Variants in SOX5 observed in about 807,000 individuals in gnomAD.
The protein encoded by SOX5 is SRY-box transcription factor 5.
In SOX5, 9 loss-of-function variants were observed where a neutral mutation model predicts 92.0. The ratio of observed to expected loss-of-function variants is 0.10; its 90% CI spans 0.06 to 0.17. The LOEUF is 0.17. SOX5 is among the 10% of genes least tolerant of loss of function. The pLI is 1.00. For missense variants in SOX5, 642 were observed against 944.5 expected (o/e 0.68, Z 4.20); for synonymous variants, 344 against 336.3 (o/e 1.02, Z -0.25).
intron 6 of SOX5, among the ~76,000 whole-genome samples, chr12:23,695,093 T>G (rs1294414208): frequency 6.8e-6 from 1 of 146,226 alleles, no homozygotes; most frequent in Non-Finnish European, 1.5e-5. Context: ...CTACTCCAGC[T>G]TGGGTGACAA....
intron 3 of SOX5, among the ~76,000 whole-genome samples, chr12:23,827,380 TTC>T (rs1450989644): frequency 6.6e-6 from 1 of 152,198 alleles, no homozygotes; most frequent in Non-Finnish European, 1.5e-5. Flanking sequence ...TGAAAACTTT[TTC>T]TACAGAGACA....
chr12:23,724,506 C>T (rs2093005948), intron 6 of SOX5, among the ~76,000 whole-genome samples: 1 of 152,100 alleles, frequency 6.6e-6, no homozygotes, highest in Non-Finnish European at 1.5e-5. Flanking sequence ...AATAGAATGA[C>T]ATTTCAAAGG....
chr12:23,626,179 T>G (rs1319846953), intron 8 of SOX5, among the ~76,000 whole-genome samples: 2 of 152,234 alleles, frequency 1.3e-5, no homozygotes, highest in Non-Finnish European at 2.9e-5. Flanking sequence ...TGGAAATTCC[T>G]ATTTTTAAAT....
chr12:23,923,879 C>T (rs1939179433), intron 1 of SOX5, among the ~76,000 whole-genome samples: 1 of 152,134 alleles, frequency 6.6e-6, no homozygotes, highest in South Asian at 2.1e-4. Context: ...TGAAAGCCAC[C>T]ACCATTATAT....
chr12:23,779,341 TC>T (rs1193340153), intron 3 of SOX5, among the ~76,000 whole-genome samples: 1 of 150,366 alleles, frequency 6.7e-6, no homozygotes, highest in Non-Finnish European at 1.5e-5. Context: ...TGATTTTACT[TC>T]CACTGAATAG....
At chr12:24,298,170 G>A (rs965808156) in intron 2 of SOX5, among the ~76,000 whole-genome samples, 3 of 152,016 alleles carry the variant, frequency 2.0e-5, no homozygotes, top group Admixed American at 6.6e-5. Context: ...GGTTTCAAGC[G>A]ATCCTCCCAC....
At chr12:24,537,967 T>C (rs189696279) in intron 1 of SOX5, among the ~76,000 whole-genome samples, 2 of 152,360 alleles carry the variant, frequency 1.3e-5, no homozygotes, top group Non-Finnish European at 2.9e-5. Flanking sequence ...TGTTTCCTTT[T>C]ATTTATTCTG....
In SOX5 at chr12:23,964,499, A is replaced by C. The variant is rs12424756; in HGVS notation, c.-1-68475T>G. 2.0e-5 allele frequency among the ~76,000 whole-genome samples: 3 copies of C among 152,242 alleles called. No individual in the cohort carries two copies. In the South Asian group the frequency reaches 6.2e-4, roughly 32 times the overall value. On this transcript the variant is annotated intron_variant, in intron 4 of 4. Transcript: ENST00000446891. ...GTGGCATCAATATAGGATACCCACA[A>C]GTATACAGCATACCCACATCTCCTT...
intron 4 of SOX5, among the ~76,000 whole-genome samples, chr12:24,194,281 G>A (rs960846283): frequency 6.6e-6 from 1 of 151,954 alleles, no homozygotes; most frequent in East Asian, 1.9e-4. Flanking sequence ...GATGGAAGGT[G>A]GATAAAACAG....
intron 2 of SOX5, among the ~76,000 whole-genome samples, chr12:24,318,408 T>C (rs1949907903): frequency 6.6e-6 from 1 of 152,058 alleles, no homozygotes; most frequent in African/African-American, 2.4e-5. Context: ...GAGGATTTGC[T>C]CATGAGGTAG....
intron 4 of SOX5, among the ~76,000 whole-genome samples, chr12:24,152,847 G>GA (rs56797704): frequency 0.048 from 7,204 of 150,432 alleles, 172 homozygotes; most frequent in South Asian, 0.081. Context: ...ACTGGCACAG[G>GA]AAAAAAAAAA....
chr12:23,925,224 C>T (rs1475905328), intron 1 of SOX5, among the ~76,000 whole-genome samples: 1 of 152,076 alleles, frequency 6.6e-6, no homozygotes, highest in African/African-American at 2.4e-5. Flanking sequence ...TGGAATTTCT[C>T]TCACAAATCA....
At chr12:23,904,692 A>G (rs768852813) in intron 1 of SOX5, among the ~76,000 whole-genome samples, 16 of 152,228 alleles carry the variant, frequency 1.1e-4, no homozygotes, top group Non-Finnish European at 2.2e-4. Flanking sequence ...GTGGTCACCA[A>G]CAACTTTTGA....
chr12:24,379,235 C>T (rs1371205766), intron 1 of SOX5, among the ~76,000 whole-genome samples: 1 of 152,206 alleles, frequency 6.6e-6, no homozygotes, highest in Non-Finnish European at 1.5e-5. Flanking sequence ...TTCAAGTTAA[C>T]TCTTAGTCAT....
chr12:23,585,484 G>A (rs915486542), intron 9 of SOX5, among the ~76,000 whole-genome samples: 1 of 152,046 alleles, frequency 6.6e-6, no homozygotes, highest in African/African-American at 2.4e-5. Context: ...AGAGGAAAGG[G>A]GGCAGTCATT....
At chr12:23,900,001 G>C (rs2097215249) in intron 1 of SOX5, among the ~76,000 whole-genome samples, 1 of 152,098 alleles carries the variant, frequency 6.6e-6, no homozygotes, top group African/African-American at 2.4e-5. Context: ...TGAACCAGTT[G>C]ACTTTCAAGG....
chr12:24,114,540 C>G (rs1947752347), intron 4 of SOX5, among the ~76,000 whole-genome samples: 1 of 121,014 alleles, frequency 8.3e-6, no homozygotes, highest in South Asian at 2.7e-4. Context: ...TGCACCACTG[C>G]ACTCCAGCCT....
chr12:23,552,788 C>T (rs994686256), intron 11 of SOX5, among the ~76,000 whole-genome samples: 10 of 151,882 alleles, frequency 6.6e-5, no homozygotes, highest in African/African-American at 2.2e-4. Context: ...GGTGGACATA[C>T]GACTACCTGC....
At chr12:24,525,249 C>T (rs962300583) in intron 1 of SOX5, among the ~76,000 whole-genome samples, 1 of 152,142 alleles carries the variant, frequency 6.6e-6, no homozygotes, top group Non-Finnish European at 1.5e-5. Flanking sequence ...CATAAATGAA[C>T]CTTAAGCACA....
Sources: allele counts gnomAD v4.1 joint callset (sites outside exome capture counted in the v4.1 genomes callset), GRCh38; gene constraint gnomAD v4.1.1; transcripts MANE v1.5; gene names NCBI Gene and HGNC (gene_info 2026-07-23, HGNC 2026-07-21).